Variants in SSUH2 observed in about 807,000 individuals in gnomAD.
SSUH2 encodes the protein protein SSUH2 homolog.
In SSUH2, 47 loss-of-function variants were observed where a neutral mutation model predicts 55.3. That is an observed-to-expected ratio of 0.85 (90% CI 0.67 to 1.08). The LOEUF (loss-of-function observed/expected upper bound fraction) is 1.08. Among genes scored for constraint, SSUH2 ranks in the 50% least tolerant of loss-of-function variants. SSUH2 has a pLI of 0.00. For synonymous variants in SSUH2, 212 were observed against 191.5 expected, an observed-to-expected ratio of 1.11 and a Z score of -0.89; for missense variants, 535 against 490.7, an observed-to-expected ratio of 1.09 and a Z score of -0.85.
chr3:8,677,763 CTT>C (rs1705528010), intron 2 of SSUH2, among the ~76,000 whole-genome samples: 1 of 150,692 alleles, frequency 6.6e-6, no homozygotes, highest in Non-Finnish European at 1.5e-5. Flanking sequence ...TAAGCTGACT[CTT>C]GGGCAAAACC....
upstream of SSUH2, among the ~76,000 whole-genome samples, chr3:8,645,915 T>C (rs2125289650): frequency 6.6e-6 from 1 of 152,310 alleles, no homozygotes; most frequent in East Asian, 1.9e-4. Flanking sequence ...TATTCACAAT[T>C]TCACAAATGC....
At chr3:8,681,151 C>G (rs537148604) in intron 1 of SSUH2, among the ~76,000 whole-genome samples, 1 of 135,736 alleles carries the variant, frequency 7.4e-6, no homozygotes, top group Non-Finnish European at 1.6e-5. Flanking sequence ...CCTCTTAGGA[C>G]TTCCATAGCA....
Position 8,623,637 on chromosome 3 carries a change from A to T in SSUH2, c.893T>A (p.Phe298Tyr). 6.5e-7 allele frequency: 1 copy of T among 1,536,336 alleles called. No individual in the cohort carries two copies. Among genetic ancestry groups the T allele is most frequent in the Admixed American group, 2.0e-5 (1 of 50,498 alleles). The change falls in exon 11 of 12, where the codon TTC (phenylalanine) becomes TAC (tyrosine). Residue 298 changes from phenylalanine to tyrosine, a missense_variant. Coordinates refer to ENST00000544814, the MANE Select transcript of SSUH2 (RefSeq NM_001256748.3). Reference sequence around the variant, plus strand: ...GGCAAGAGAGATGTCTCGCAGAGGGAAGTCCACGATGGGGTACACCTGGGG... The same window carrying T: ...GGCAAGAGAGATGTCTCGCAGAGGGTAGTCCACGATGGGGTACACCTGGGG... Reference protein sequence around the residue: ...ENSVVYPIVDFPLRDISLASQ... With the variant: ...ENSVVYPIVDYPLRDISLASQ...
At chr3:8,625,084 T>A (rs902540410) in intron 10 of SSUH2, among the ~76,000 whole-genome samples, 1 of 151,824 alleles carries the variant, frequency 6.6e-6, no homozygotes, top group Non-Finnish European at 1.5e-5. Context: ...TATAAAAGGG[T>A]CCATCATAGT....
intron 4 of SSUH2, among the ~76,000 whole-genome samples, chr3:8,632,725 A>G (rs997680045): frequency 7.9e-5 from 12 of 152,206 alleles, no homozygotes; most frequent in Non-Finnish European, 1.3e-4. Context: ...TGTGACTGTA[A>G]AAGCTGCTCC....
chr3:8,649,618 TCCC>T (rs904222716), upstream of SSUH2, among the ~76,000 whole-genome samples: 1 of 151,954 alleles, frequency 6.6e-6, no homozygotes, highest in Non-Finnish European at 1.5e-5. Context: ...CTGCTTTCAC[TCCC>T]CCTTTTCCTC....
At chr3:8,638,888 C>T (rs188218568) in intron 1 of SSUH2, among the ~76,000 whole-genome samples, 34 of 152,212 alleles carry the variant, frequency 2.2e-4, no homozygotes, top group African/African-American at 7.2e-4. Flanking sequence ...CTCCTCTTGA[C>T]GAGAAGACAG....
chr3:8,681,131 TCCC>T (rs113039870), intron 1 of SSUH2, among the ~76,000 whole-genome samples: 1 of 104,104 alleles, frequency 9.6e-6, no homozygotes, highest in Non-Finnish European at 2.3e-5. Context: ...CAGCCCCTCT[TCCC>T]CCCCTGCCTC....
chr3:8,663,617 AG>A (rs1189535426), intron 6 of SSUH2: 11 of 308,614 alleles, frequency 3.6e-5, no homozygotes, highest in Non-Finnish European at 3.3e-5. Context: ...AGGCAAGTCC[AG>A]GAATTCCAAG....
chr3:8,623,443 C>T, intron 11 of SSUH2, 106 bp downstream of exon 11: 1 of 754,656 alleles, frequency 1.3e-6, no homozygotes, highest in Non-Finnish European at 2.3e-6. Flanking sequence ...CCGGGACCTC[C>T]CTCACCTCTA....
At chr3:8,644,006 C>A (rs892874646) in intron 1 of SSUH2, among the ~76,000 whole-genome samples, 1 of 151,788 alleles carries the variant, frequency 6.6e-6, no homozygotes, top group Non-Finnish European at 1.5e-5. Context: ...CCACCGGCAA[C>A]CACCACCCCT....
At position 8,678,320 on chromosome 3, in the gene SSUH2, T is replaced by C. The variant is rs187144250; in HGVS notation, c.-900-967A>G. On this transcript the variant is annotated intron_variant, in intron 2 of 18. Coordinates refer to the SSUH2 transcript ENST00000317371. ...GAATATCACAGGGTGGGTGTACACC[T>C]CGTGCTCTATTATGGGGAGTCATAT... 4.4e-3 allele frequency among the ~76,000 whole-genome samples: 666 copies of C among 152,206 alleles called. 4 individuals carry two copies. Among genetic ancestry groups the C allele is most frequent in the African/African-American group, 0.015 (640 of 41,536 alleles).
intron 5 of SSUH2, 42 bp downstream of exon 5, chr3:8,632,007 T>G (rs1698884790): frequency 6.5e-7 from 1 of 1,530,538 alleles, no homozygotes; most frequent in Non-Finnish European, 9.1e-7. Context: ...GCACCCTGAC[T>G]TATTTGCCCC....
chr3:8,643,331 C>A (rs1170372671), intron 1 of SSUH2, among the ~76,000 whole-genome samples: 1 of 152,148 alleles, frequency 6.6e-6, no homozygotes, highest in Non-Finnish European at 1.5e-5. Context: ...AGGTTTGAGT[C>A]CAGATCTGAC....
At chr3:8,649,145 CA>C (rs1702088341), upstream of SSUH2, among the ~76,000 whole-genome samples, 1 of 152,194 alleles carries the variant, frequency 6.6e-6, no homozygotes, top group African/African-American at 2.4e-5. Flanking sequence ...TGCTTCCTCA[CA>C]GGACTTGATC....
chr3:8,635,264 A>C (rs1212371628), intron 3 of SSUH2, 36 bp downstream of exon 3: 9 of 1,495,556 alleles, frequency 6.0e-6, no homozygotes, highest in African/African-American at 2.8e-5. Context: ...TGACATAGGA[A>C]ATGCACACAG....
intron 8 of SSUH2, among the ~76,000 whole-genome samples, chr3:8,626,748 G>A (rs1575071077): frequency 1.3e-5 from 2 of 152,110 alleles, no homozygotes; most frequent in East Asian, 3.9e-4. Flanking sequence ...GGAGCTACTG[G>A]TGATCTCCTC....
At chr3:8,636,332 G>A (rs1031228193) in intron 1 of SSUH2, among the ~76,000 whole-genome samples, 3 of 152,084 alleles carry the variant, frequency 2.0e-5, no homozygotes, top group African/African-American at 7.2e-5. Context: ...GAGACCCTAA[G>A]ACTACATGGA....
At chr3:8,635,929 A>G in intron 1 of SSUH2, 72 bp from the exon 2 acceptor site, 1 of 1,321,126 alleles carries the variant, frequency 7.6e-7, no homozygotes, top group Non-Finnish European at 1.0e-6. Context: ...CAGGAAGTTG[A>G]GAAATTAGGG....
Sources: gnomAD v4.1 joint callset for allele counts (sites outside exome capture counted in the v4.1 genomes callset) on GRCh38, gnomAD v4.1.1 for gene constraint, MANE v1.5 for transcripts, NCBI Gene and HGNC (gene_info 2026-07-23, HGNC 2026-07-21) for gene names.